The following CXCL13 variants were observed in gnomAD, a reference collection of about 807,000 sequenced individuals.
The protein encoded by CXCL13 is C-X-C motif chemokine ligand 13, also known as C-X-C motif chemokine 13.
CXCL13 carries 7 observed loss-of-function variants against 12.2 expected under a neutral mutation model. The ratio of observed to expected loss-of-function variants is 0.57; its 90% confidence interval spans 0.33 to 1.07. The LOEUF (loss-of-function observed/expected upper bound fraction) is 1.07, where lower values mean the gene tolerates loss of function less well. Among genes scored for constraint, CXCL13 ranks in the 50% least tolerant of loss-of-function variants. The pLI is 0.04. For missense variants in CXCL13, 113 were observed against 127.4 expected, an observed-to-expected ratio of 0.89 and a Z score of 0.55; for synonymous variants, 47 against 42.4, an observed-to-expected ratio of 1.11 and a Z score of -0.42.
chr4:77,527,625 C>T (rs60956572), intron 1 of CXCL13, among the ~76,000 whole-genome samples: 6 of 151,278 alleles, frequency 4.0e-5, no homozygotes, highest in Admixed American at 4.0e-4. Context: ...GAGTGAGACA[C>T]AGTCTCAGAT....
At chr4:77,520,285 A>G (rs1299990650) in intron 1 of CXCL13, among the ~76,000 whole-genome samples, 1 of 152,160 alleles carries the variant, frequency 6.6e-6, no homozygotes, top group Non-Finnish European at 1.5e-5. Context: ...GATGGCATTG[A>G]ACCTATAAAT....
intron 1 of CXCL13, among the ~76,000 whole-genome samples, chr4:77,592,662 G>A (rs986788948): frequency 1.3e-4 from 20 of 152,130 alleles, no homozygotes; most frequent in African/African-American, 4.8e-4. Context: ...TGAAATCCCT[G>A]GCAAGGCTGA....
intron 1 of CXCL13, among the ~76,000 whole-genome samples, chr4:77,606,590 A>C (rs1173078998): frequency 6.6e-6 from 1 of 152,202 alleles, no homozygotes; most frequent in Non-Finnish European, 1.5e-5. Context: ...TTTGTCCCCC[A>C]GTTTTAATTT....
chr4:77,569,949 A>G (rs1428292386), intron 1 of CXCL13, among the ~76,000 whole-genome samples: 5 of 152,242 alleles, frequency 3.3e-5, no homozygotes, highest in Admixed American at 1.3e-4. Flanking sequence ...GGAACAGAAT[A>G]GAGAAGCAAG....
chr4:77,555,161 ATTG>A (rs1578051640), intron 1 of CXCL13, among the ~76,000 whole-genome samples: 1 of 151,984 alleles, frequency 6.6e-6, no homozygotes, highest in Non-Finnish European at 1.5e-5. Context: ...TCTTTGAAAA[ATTG>A]TTGTTTCTAA....
chr4:77,535,148 A>G (rs1338322536), intron 1 of CXCL13, among the ~76,000 whole-genome samples: 1 of 152,230 alleles, frequency 6.6e-6, no homozygotes, highest in Non-Finnish European at 1.5e-5. Flanking sequence ...GATCAAGTTA[A>G]TAGTTTCTTA....
intron 1 of CXCL13, among the ~76,000 whole-genome samples, chr4:77,583,695 CA>C (rs1384814086): frequency 2.0e-5 from 3 of 152,116 alleles, no homozygotes; most frequent in Non-Finnish European, 4.4e-5. Flanking sequence ...AAACAGCACA[CA>C]AATTCTTATT....
rs183206704 is a variant in CXCL13, at chr4:77,545,099, G to T, written c.-43+33311G>T. 2.1e-3 allele frequency among the ~76,000 whole-genome samples: 324 copies of T among 152,162 alleles called. 2 individuals are homozygous for T. Among genetic ancestry groups the T allele is most frequent in the African/African-American group, 7.5e-3 (312 of 41,508 alleles). ...TCTGAGGGCTCTCTTCTGTTTCACT[G>T]GTCTATATCTCTGTTTTGGTAATAG... On this transcript the variant is annotated intron_variant, in intron 1 of 4. Coordinates refer to the CXCL13 transcript ENST00000286758.
At chr4:77,568,088 C>A (rs111622775) in intron 1 of CXCL13, among the ~76,000 whole-genome samples, 3 of 152,202 alleles carry the variant, frequency 2.0e-5, no homozygotes, top group Non-Finnish European at 2.9e-5. Flanking sequence ...TGGAGTTAAC[C>A]CTGTGACATC....
chr4:77,561,927 T>C (rs890214547), intron 1 of CXCL13, among the ~76,000 whole-genome samples: 3 of 152,106 alleles, frequency 2.0e-5, no homozygotes, highest in African/African-American at 7.2e-5. Flanking sequence ...GCCCAGTGCT[T>C]GTGGGCCAGC....
intron 1 of CXCL13, among the ~76,000 whole-genome samples, chr4:77,528,397 G>A (rs1373216051): frequency 6.6e-6 from 1 of 152,206 alleles, no homozygotes; most frequent in East Asian, 1.9e-4. Context: ...CCCACCAACA[G>A]TGTAAAAGTG....
intron 3 of CXCL13, 53 bp downstream of exon 3, chr4:77,610,747 C>T (rs759049432): frequency 7.3e-7 from 1 of 1,374,148 alleles, no homozygotes; most frequent in Admixed American, 1.7e-5. Context: ...TGAAGAGTTT[C>T]CCTTTCCTGG....
At chr4:77,588,496 A>G (rs1006541283) in intron 1 of CXCL13, among the ~76,000 whole-genome samples, 2 of 152,202 alleles carry the variant, frequency 1.3e-5, no homozygotes, top group Admixed American at 6.5e-5. Context: ...TCTTTGTAGC[A>G]CATCACTGAC....
intron 1 of CXCL13, among the ~76,000 whole-genome samples, chr4:77,523,078 A>G (rs1205767177): frequency 1.3e-5 from 2 of 152,248 alleles, no homozygotes; most frequent in African/African-American, 2.4e-5. Context: ...TGAGAGATCA[A>G]CTGTTAGTCT....
intron 1 of CXCL13, among the ~76,000 whole-genome samples, chr4:77,526,864 G>A (rs17002716): frequency 0.038 from 5,811 of 152,260 alleles, 149 homozygotes; most frequent in Non-Finnish European, 0.06. Flanking sequence ...CCAGCCACTT[G>A]AACAGCCAAG....
intron 1 of CXCL13, among the ~76,000 whole-genome samples, chr4:77,550,743 T>C (rs1725497373): frequency 6.6e-6 from 1 of 152,178 alleles, no homozygotes; most frequent in Non-Finnish European, 1.5e-5. Flanking sequence ...ATTGTGTCTA[T>C]GTCTAAGTCT....
intron 1 of CXCL13, among the ~76,000 whole-genome samples, chr4:77,538,176 G>C (rs1419949350): frequency 6.6e-6 from 1 of 152,150 alleles, no homozygotes; most frequent in Non-Finnish European, 1.5e-5. Flanking sequence ...TCAGCAATGA[G>C]AAGTCTTTGG....
intron 1 of CXCL13, among the ~76,000 whole-genome samples, chr4:77,596,741 C>A (rs57638525): frequency 6.8e-6 from 1 of 147,274 alleles, no homozygotes; most frequent in Non-Finnish European, 1.5e-5. Flanking sequence ...GCTGAGACCG[C>A]GCCATTGCAC....
intron 1 of CXCL13, among the ~76,000 whole-genome samples, chr4:77,588,429 T>C (rs115425972): frequency 0.014 from 2,105 of 152,352 alleles, 25 homozygotes; most frequent in Non-Finnish European, 0.021. Context: ...TGAGGATCAC[T>C]ATTCTGGCAG....
Sources: gnomAD v4.1 joint callset for allele counts (sites outside exome capture counted in the v4.1 genomes callset) on GRCh38, gnomAD v4.1.1 for gene constraint, MANE v1.5 for transcripts, NCBI Gene and HGNC (gene_info 2026-07-23, HGNC 2026-07-21) for gene names.